The following NUDT10 variants were observed in gnomAD, a reference collection of about 807,000 sequenced individuals.
The protein encoded by NUDT10 is diphosphoinositol polyphosphate phosphohydrolase 3-alpha.
NUDT10 carries 2 observed loss-of-function variants against 10.5 expected under a neutral mutation model. The ratio of observed to expected loss-of-function variants is 0.19; its 90% CI spans 0.08 to 0.60. NUDT10 has a LOEUF of 0.60. Among genes scored for constraint, NUDT10 ranks in the 20% least tolerant of loss-of-function variants. The pLI, the probability that NUDT10 is intolerant of heterozygous loss-of-function variation, is 0.89. For synonymous variants in NUDT10, 53 were observed against 71.8 expected (o/e 0.74, Z 1.32); for missense variants, 75 against 149.5 (o/e 0.50, Z 2.60).
intron 1 of NUDT10, among the ~76,000 whole-genome samples, chrX:51,334,911 T>C (rs1285681033): frequency 9.0e-6 from 1 of 111,115 alleles, no homozygotes; most frequent in Non-Finnish European, 1.9e-5. Context: ...GGGTCACTGT[T>C]ACGCACTTTC....
rs1306025453 is a variant in NUDT10, at chrX:51,333,108, C to T, written c.143C>T (p.Pro48Leu). 8.3e-7 allele frequency: 1 copy of T among 1,207,519 alleles called. No individual in the cohort carries two copies. Among genetic ancestry groups the T allele is most frequent in the African/African-American group, 1.8e-5 (1 of 56,982 alleles). ...CGGTACCCGGACCGCTGGATCGTGC[C>T]GGGCGGGGGCATGGAGCCCGAGGAG... ...SSRYPDRWIV[P>L]GGGMEPEEEP... Residue 48 changes from proline (P) to leucine (L), a missense_variant, in exon 1 of 2, where the codon CCG becomes CTG. By Grantham distance (98) the Pro-to-Leu change is moderately conservative (BLOSUM62 -3). Transcript: ENST00000356450.
chrX:51,336,420 C>T lies in NUDT10; in HGVS notation c.*181C>T, dbSNP rs138821237. 770 of 363,846 alleles carry T rather than the reference C, an allele frequency of 2.1e-3. 6 individuals are homozygous for T. Among genetic ancestry groups the T allele is most frequent in the African/African-American group, 0.019 (702 of 37,772 alleles). The allele number at this position is 363,846 out of a possible 1,213,427, so 30.0% of individuals were successfully genotyped here. On this transcript the variant is annotated 3_prime_UTR_variant, in exon 2 of 2. Coordinates refer to ENST00000356450, the MANE Select transcript of NUDT10 (RefSeq NM_001304963.2). Reference sequence around the variant, plus strand: ...ACTATTCTCCAGGTTGTTGCACTACCGCTGTATCTGTACATAATTCTAACT... The same window carrying T: ...ACTATTCTCCAGGTTGTTGCACTACTGCTGTATCTGTACATAATTCTAACT...
rs1922710154 is a variant in NUDT10 at position 51,332,870 on chromosome X, T to G, written c.-96T>G. ...CTCTCCCCGCCCCTCTCCTCGGCCC[T>G]TTCTCTTCCCAGCACCTCGGCTGCT... On this transcript the variant is annotated 5_prime_UTR_variant, in exon 1 of 2. Coordinates refer to ENST00000356450, the MANE Select transcript of NUDT10 (RefSeq NM_001304963.2). The G allele has an allele frequency of 9.0e-7, 1 of 1,116,024 alleles. No homozygotes were observed. The highest frequency in any genetic ancestry group is 3.2e-5 in the Admixed American group (1 of 31,564). 92.0% of individuals were successfully genotyped at this position (1,116,024 alleles called of 1,213,427 possible).
chrX:51,332,780 C>CGCCCA, upstream of NUDT10: 1 of 687,192 alleles, frequency 1.5e-6, no homozygotes, highest in Non-Finnish European at 2.1e-6. Context: ...GCCCGTGCCC[C>CGCCCA]GCCCAGCTTC....
Position 51,333,026 on chromosome X carries a change from G to A in NUDT10, c.61G>A (p.Ala21Thr). 8.3e-7 allele frequency: 1 copy of A among 1,211,370 alleles called. No individual in the cohort carries two copies. Among genetic ancestry groups the A allele is most frequent in the African/African-American group, 1.7e-5 (1 of 57,832 alleles). Reference protein sequence around the residue: ...YDPEGFKKRAACLCFRSERED... With the variant: ...YDPEGFKKRATCLCFRSERED... ...CCCCGAGGGGTTCAAGAAGCGGGCG[G>A]CGTGCCTGTGCTTCCGGAGCGAGCG... is the stretch of plus-strand genomic sequence containing the variant. The change falls in exon 1 of 2, where the codon GCG becomes ACG. Residue 21 changes from alanine (A) to threonine (T), a missense_variant. Ala to Thr is a moderately conservative substitution (Grantham distance 58). Transcript: ENST00000356450.
At position 51,333,294 on chromosome X, in the gene NUDT10, C is replaced by A. The variant is rs1557312375; in HGVS notation, c.329C>A (p.Ser110Ter). 8.3e-7 allele frequency: 1 copy of A among 1,210,854 alleles called. No homozygotes were observed. Among genetic ancestry groups the A allele is most frequent in the Non-Finnish European group, 1.1e-6 (1 of 894,954 alleles). The change falls in exon 1 of 2, where the codon TCG (serine) becomes TAG (stop). Residue 110 changes from serine to a stop codon, truncating the protein, a stop_gained. Transcript: ENST00000356450. LOFTEE classifies it high-confidence loss of function. ...GAGCTGCTGGAGGATTGGGAAGATT[C>A]GGTTAGCATTGGGAGGAAGCGAGAG... is the stretch of plus-strand genomic sequence containing the variant. ...VTELLEDWEDSVSIGRKREWF... is the reference protein window; with the variant it reads ...VTELLEDWED
chrX:51,332,531 G>GGCCCCTCGCCCCGGTTCCTC (rs1346496559), upstream of NUDT10, among the ~76,000 whole-genome samples: 1 of 112,927 alleles, frequency 8.9e-6, no homozygotes, highest in Non-Finnish European at 1.9e-5. Context: ...CCCCGCCCCT[G>GGCCCCTCGCCCCGGTTCCTC]GCCCCTCGCC....
intron 1 of NUDT10, among the ~76,000 whole-genome samples, chrX:51,335,356 C>T (rs1922813324): frequency 9.1e-6 from 1 of 109,478 alleles, no homozygotes; most frequent in African/African-American, 3.3e-5. Flanking sequence ...TCCCTGTCCC[C>T]CAATGGACAA....
intron 1 of NUDT10, among the ~76,000 whole-genome samples, chrX:51,334,984 A>G (rs1557312615): frequency 9.1e-6 from 1 of 110,417 alleles, no homozygotes; most frequent in Non-Finnish European, 1.9e-5. Flanking sequence ...TTCATCTCCC[A>G]TGACAGTTGA....
At chrX:51,334,648 C>G (rs1476237476) in intron 1 of NUDT10, among the ~76,000 whole-genome samples, 9 of 111,933 alleles carry the variant, frequency 8.0e-5, no homozygotes. Flanking sequence ...AAAGCTCTCA[C>G]GTTTGCCTCA....
rs782419829 is a variant in NUDT10 at position 51,336,442 on chromosome X, A to G, written c.*203A>G. 50 of 330,277 alleles carry G rather than the reference A, an allele frequency of 1.5e-4. No homozygotes were observed. Among genetic ancestry groups the G allele is most frequent in the African/African-American group, 1.2e-3 (44 of 36,977 alleles). 27.2% of individuals were successfully genotyped at this position (330,277 alleles called of 1,213,427 possible). The stretch of plus-strand genomic sequence containing the variant: ...TACCGCTGTATCTGTACATAATTCT[A>G]ACTTGGCACCTGTGGCCTTTTTTGT... On this transcript the variant is annotated 3_prime_UTR_variant, in exon 2 of 2. Coordinates refer to ENST00000356450, the MANE Select transcript of NUDT10 (RefSeq NM_001304963.2).
upstream of NUDT10, among the ~76,000 whole-genome samples, chrX:51,332,617 T>C (rs1557312156): frequency 8.9e-6 from 1 of 112,750 alleles, no homozygotes; most frequent in African/African-American, 3.2e-5. Context: ...CGCCCGAGAA[T>C]GCGCTTCACC....
At chrX:51,336,038 A>G (rs368473668) in intron 1 of NUDT10, among the ~76,000 whole-genome samples, 16 of 111,784 alleles carry the variant, frequency 1.4e-4, no homozygotes, top group East Asian at 8.4e-4. Flanking sequence ...CCGATTTCTG[A>G]GCTTCATAAT....
chrX:51,334,657 C>T (rs930611388), intron 1 of NUDT10, among the ~76,000 whole-genome samples: 1 of 111,897 alleles, frequency 8.9e-6, no homozygotes, highest in Admixed American at 9.5e-5. Context: ...ACGTTTGCCT[C>T]AGTACTTGCT....
At chrX:51,334,308 C>T (rs1922777090) in intron 1 of NUDT10, among the ~76,000 whole-genome samples, 1 of 112,259 alleles carries the variant, frequency 8.9e-6, no homozygotes, top group African/African-American at 3.2e-5. Flanking sequence ...ACTGTATTCA[C>T]AGAATTTGAT....
Position 51,337,368 on chromosome X carries a change from A to G in NUDT10, c.*1129A>G, listed in dbSNP as rs1185325890. 6.3e-5 allele frequency: 7 copies of G among 111,923 alleles called. No individual in the cohort carries two copies. The highest frequency in any genetic ancestry group is 1.9e-4 in the African/African-American group (6 of 30,775). 9.2% of individuals were successfully genotyped at this position (111,923 alleles called of 1,213,427 possible). A position where few individuals can be genotyped will look rare whatever the true frequency, so the allele number is the denominator to read the frequency against. ...GATTCTTGGAATTTGCTTCAAAATA[A>G]TAAGTCTGGATGTTAAGTGCATTGG... On this transcript the variant is annotated 3_prime_UTR_variant, in exon 2 of 2. Coordinates refer to ENST00000356450, the MANE Select transcript of NUDT10 (RefSeq NM_001304963.2).
At position 51,337,382 on chromosome X, in the gene NUDT10, T is replaced by C. The variant is rs1013623642; in HGVS notation, c.*1143T>C. On this transcript the variant is annotated 3_prime_UTR_variant, in exon 2 of 2. Coordinates refer to ENST00000356450, the MANE Select transcript of NUDT10 (RefSeq NM_001304963.2). ...GCTTCAAAATAATAAGTCTGGATGT[T>C]AAGTGCATTGGAAATATTGATGAAA... is the stretch of plus-strand genomic sequence containing the variant. The C allele has an allele frequency of 8.9e-6, 1 of 111,890 alleles. No homozygotes were observed. Among genetic ancestry groups the C allele is most frequent in the African/African-American group, 3.3e-5 (1 of 30,769 alleles). The allele number at this position is 111,890 out of a possible 1,213,427, so 9.2% of individuals were successfully genotyped here.
chrX:51,333,749 C>CG lies in NUDT10; in HGVS notation c.494+304dup, dbSNP rs1252405750. Among the ~76,000 whole-genome samples, 42 of 12,474 alleles carry CG rather than the reference C, an allele frequency of 3.4e-3. 1 individual carries two copies. The highest frequency in any genetic ancestry group is 0.03 in the East Asian group (8 of 266). 10.8% of individuals were successfully genotyped at this position (12,474 alleles called of 115,157 possible). On this transcript the variant is annotated intron_variant, in intron 1 of 1. Transcript: ENST00000356450. ...TGTAACTGTTCACCCTGCTTTTGGG[C>CG]GGGGGGGGGGGGGGTGGGGGGCGAG...
In NUDT10 at chrX:51,333,479, G is replaced by GC; in HGVS notation, c.494+21dup. 1 of 1,204,891 alleles carries GC rather than the reference G, an allele frequency of 8.3e-7. No homozygotes were observed. On this transcript the variant is annotated intron_variant, in intron 1 of 1. Coordinates refer to ENST00000356450, the MANE Select transcript of NUDT10 (RefSeq NM_001304963.2). ...TCCCTAGTATGTACCGCTTGCGCCC[G>GC]CACAGACTTCTGTTTGTCTGCCTTG... is the stretch of plus-strand genomic sequence containing the variant.
Sources: allele counts gnomAD v4.1 joint callset (sites outside exome capture counted in the v4.1 genomes callset), GRCh38; gene constraint gnomAD v4.1.1; transcripts MANE v1.5; gene names NCBI Gene and HGNC (gene_info 2026-07-23, HGNC 2026-07-21).